Variants in PLCE1 observed in about 807,000 individuals in gnomAD.
PLCE1 encodes the protein phospholipase C epsilon 1.
In PLCE1, 119 loss-of-function variants were observed where a neutral mutation model predicts 242.8. That is an observed-to-expected ratio of 0.49 (90% CI 0.42 to 0.57). PLCE1 has a LOEUF of 0.57. Among genes scored for constraint, PLCE1 ranks in the 20% least tolerant of loss-of-function variants. The probability of loss-of-function intolerance (pLI) is 0.00; values close to 1 mark genes in which losing one functional copy is unlikely to be tolerated. For missense variants in PLCE1, 2,441 were observed against 2,788.8 expected, an observed-to-expected ratio of 0.88 and a Z score of 2.81; for synonymous variants, 945 against 1,017.4, an observed-to-expected ratio of 0.93 and a Z score of 1.35.
intron 4 of PLCE1, among the ~76,000 whole-genome samples, chr10:94,180,867 C>T (rs1186312698): frequency 6.6e-6 from 1 of 152,252 alleles, no homozygotes; most frequent in East Asian, 1.9e-4. Flanking sequence ...CAGCTGTCAC[C>T]AGACAACTGA....
intron 3 of PLCE1, among the ~76,000 whole-genome samples, chr10:94,150,667 A>G (rs2047247409): frequency 6.6e-6 from 1 of 152,214 alleles, no homozygotes; most frequent in Non-Finnish European, 1.5e-5. Flanking sequence ...GGGAGTTCAC[A>G]GGAGGTTGAC....
At chr10:94,305,665 T>G (rs1475174807) in intron 25 of PLCE1, among the ~76,000 whole-genome samples, 2 of 152,196 alleles carry the variant, frequency 1.3e-5, no homozygotes, top group Non-Finnish European at 2.9e-5. Flanking sequence ...GAGGCGAGGG[T>G]AGTTTTATCT....
intron 2 of PLCE1, among the ~76,000 whole-genome samples, chr10:94,044,648 G>A (rs2134682906): frequency 6.6e-6 from 1 of 152,302 alleles, no homozygotes; most frequent in East Asian, 1.9e-4. Flanking sequence ...AGCCTCATGG[G>A]CACAAAGCTC....
intron 9 of PLCE1, 67 bp downstream of exon 9, chr10:94,252,565 C>A: frequency 1.5e-6 from 2 of 1,337,404 alleles, no homozygotes; most frequent in East Asian, 2.5e-5. Flanking sequence ...TGAACATCAC[C>A]ATAAAACACT....
At chr10:94,227,586 T>A in intron 5 of PLCE1, 135 bp downstream of exon 5, 1 of 894,534 alleles carries the variant, frequency 1.1e-6, no homozygotes, top group East Asian at 2.4e-5. Context: ...AAATGTATTA[T>A]CTTCTTTCAG....
At chr10:94,192,869 G>T (rs1325000578) in intron 4 of PLCE1, among the ~76,000 whole-genome samples, 1 of 151,274 alleles carries the variant, frequency 6.6e-6, no homozygotes, top group Non-Finnish European at 1.5e-5. Flanking sequence ...ATCAGTCTAC[G>T]GCCATCCCAT....
rs908435505 is a variant in PLCE1 at position 94,298,839 on chromosome 10, G to A, written c.5458+170G>A. Among the ~76,000 whole-genome samples the A allele has an allele frequency of 3.3e-5, 5 of 152,172 alleles. No individual in the cohort carries two copies. Among genetic ancestry groups the A allele is most frequent in the African/African-American group, 1.2e-4 (5 of 41,428 alleles). Reference sequence around the variant, plus strand: ...GAATTTGATACTGAATTGTGCCTCCGATGTTTCAGATTAAGGTGATAGAAA... The same window carrying A: ...GAATTTGATACTGAATTGTGCCTCCAATGTTTCAGATTAAGGTGATAGAAA... On this transcript the variant is annotated intron_variant, in intron 24 of 32. Coordinates refer to ENST00000371380, the MANE Select transcript of PLCE1 (RefSeq NM_016341.4). The surrounding 1 kb of genome is among the most constrained non-coding windows in gnomAD (Gnocchi z 5.2).
intron 13 of PLCE1, 69 bp downstream of exon 13, chr10:94,259,219 C>A (rs2051208540): frequency 1.4e-5 from 21 of 1,453,942 alleles, no homozygotes; most frequent in South Asian, 2.3e-5. Flanking sequence ...GAGGTCCAGT[C>A]ACACAAACTC....
intron 2 of PLCE1, 132 bp from the exon 3 acceptor site, chr10:94,132,042 G>A: frequency 1.3e-6 from 1 of 778,942 alleles, no homozygotes; most frequent in Non-Finnish European, 2.2e-6. Context: ...CATGAGCCGA[G>A]TGCTCAGAGT....
intron 4 of PLCE1, 58 bp downstream of exon 4, chr10:94,171,554 C>G: frequency 7.7e-7 from 1 of 1,302,910 alleles, no homozygotes; most frequent in Admixed American, 1.7e-5. Flanking sequence ...GATTTTCAAG[C>G]ATACCTCCCC....
At chr10:94,148,395 G>A (rs766338375) in intron 3 of PLCE1, among the ~76,000 whole-genome samples, 1 of 152,112 alleles carries the variant, frequency 6.6e-6, no homozygotes, top group African/African-American at 2.4e-5. Flanking sequence ...CTAGGTCAGG[G>A]CAAATCTTGG....
intron 4 of PLCE1, chr10:94,225,159 C>G (rs915476514): frequency 6.6e-6 from 1 of 152,200 alleles, no homozygotes; most frequent in African/African-American, 2.4e-5. Context: ...GAGAATAGAC[C>G]TGTTTTATCA....
At chr10:94,006,571 T>C (rs1215878972) in intron 1 of PLCE1, among the ~76,000 whole-genome samples, 1 of 152,220 alleles carries the variant, frequency 6.6e-6, no homozygotes, top group Non-Finnish European at 1.5e-5. Context: ...TGTTGTAAGG[T>C]ATGAATGAGA....
chr10:94,023,203 G>A (rs903321466), intron 1 of PLCE1, among the ~76,000 whole-genome samples: 22 of 152,024 alleles, frequency 1.4e-4, no homozygotes, highest in African/African-American at 4.1e-4. Context: ...TAGTGGGAAG[G>A]GAAATGCACA....
In PLCE1 at chr10:94,298,707, T is replaced by C; in HGVS notation, c.5458+38T>C. 2 of 1,609,746 alleles carry C rather than the reference T, an allele frequency of 1.2e-6. No homozygotes were observed. The highest frequency in any genetic ancestry group is 1.7e-6 in the Non-Finnish European group (2 of 1,176,156). On this transcript the variant is annotated intron_variant, in intron 24 of 32. Transcript: ENST00000371380. This position sits in a 1 kb window ranked among gnomAD's most constrained non-coding sequence, Gnocchi z 5.2. The stretch of plus-strand genomic sequence containing the variant: ...CATGCTCACCTCGCTCCTTTGCATC[T>C]TACATTTCAGTAAATGCAGTTTGAC...
At position 94,071,495 on chromosome 10, in the gene PLCE1, G is replaced by GTTTTTTTTTTTTTTTTTTTT. The variant is rs559496577; in HGVS notation, c.1206+39245_1206+39264dup. On this transcript the variant is annotated intron_variant, in intron 2 of 32. Coordinates refer to ENST00000371380, the MANE Select transcript of PLCE1 (RefSeq NM_016341.4). ...GTCTGTGTGTGTGTGTTTGGTTTTCGTTTTTTTTTTTTTTTTTTTTTGAGT... is the reference window on the plus strand; with the variant it reads ...GTCTGTGTGTGTGTGTTTGGTTTTCGTTTTTTTTTTTTTTTTTTTTTTTTTTTTTTTTTTTTTTTTTGAGT... Among the ~76,000 whole-genome samples, 31 of 83,306 alleles carry GTTTTTTTTTTTTTTTTTTTT rather than the reference G, an allele frequency of 3.7e-4. 9 individuals are homozygous for GTTTTTTTTTTTTTTTTTTTT. The highest frequency in any genetic ancestry group is 1.3e-3 in the African/African-American group (25 of 18,668). The allele number at this position is 83,306 out of a possible 152,430, so 54.7% of individuals were successfully genotyped here. A position where few individuals can be genotyped will look rare whatever the true frequency, so the allele number is the denominator to read the frequency against.
rs189789119 is a variant in PLCE1 at position 94,014,713 on chromosome 10, A to T, written c.-364-15970A>T. 1.6e-4 allele frequency among the ~76,000 whole-genome samples: 25 copies of T among 152,296 alleles called. No homozygotes were observed. The East Asian group carries it at 3.7e-3, about 22-fold the overall frequency. On this transcript the variant is annotated intron_variant, in intron 1 of 32. Coordinates refer to ENST00000371380, the MANE Select transcript of PLCE1 (RefSeq NM_016341.4). ...AAATTTTACAAAAGCCTCTGCTCTG[A>T]TGTGTAGGATCCTCTTATGCTCAAT...
At chr10:94,037,087 A>C (rs1384992903) in intron 2 of PLCE1, among the ~76,000 whole-genome samples, 1 of 152,210 alleles carries the variant, frequency 6.6e-6, no homozygotes, top group Non-Finnish European at 1.5e-5. Flanking sequence ...CAGCTTCTGT[A>C]TTGCTGCTTC....
intron 2 of PLCE1, chr10:94,082,040 A>C (rs762772723): frequency 7.2e-5 from 11 of 152,214 alleles, no homozygotes; most frequent in Non-Finnish European, 1.3e-4. Context: ...TATTCCAGAT[A>C]ATATAAGCAT....
Sources: allele counts gnomAD v4.1 joint callset (sites outside exome capture counted in the v4.1 genomes callset), GRCh38; gene constraint gnomAD v4.1.1; non-coding constraint Gnocchi (gnomAD v3.1); transcripts MANE v1.5; gene names NCBI Gene and HGNC (gene_info 2026-07-23, HGNC 2026-07-21).